Variants in NEDD9 observed in about 807,000 individuals in gnomAD.
NEDD9 encodes neural precursor cell expressed, developmentally down-regulated 9, also known as enhancer of filamentation 1.
A neutral mutation model predicts 76.6 loss-of-function variants in NEDD9; 26 were observed. The ratio of observed to expected loss-of-function variants is 0.34; its 90% confidence interval spans 0.25 to 0.47. NEDD9 has a LOEUF of 0.47. Among genes scored for constraint, NEDD9 ranks in the 20% least tolerant of loss-of-function variants. NEDD9 has a pLI of 1.00. For missense variants in NEDD9, 937 were observed against 1,058.5 expected (o/e 0.89, Z 1.59); for synonymous variants, 392 against 414.2 (o/e 0.95, Z 0.65).
At chr6:11,283,531 C>A (rs1027084359) in intron 3 of NEDD9, among the ~76,000 whole-genome samples, 24 of 152,128 alleles carry the variant, frequency 1.6e-4, no homozygotes, top group African/African-American at 5.8e-4. Flanking sequence ...CCATTAGATT[C>A]CAGAGTTTTC....
intron 1 of NEDD9, among the ~76,000 whole-genome samples, chr6:11,340,851 A>T (rs188248892): frequency 6.6e-6 from 1 of 152,296 alleles, no homozygotes; most frequent in East Asian, 1.9e-4. Flanking sequence ...ATGACTTTTC[A>T]TCTCACTAGA....
intron 3 of NEDD9, among the ~76,000 whole-genome samples, chr6:11,288,204 T>TG (rs1487303193): frequency 2.0e-5 from 3 of 152,198 alleles, no homozygotes; most frequent in African/African-American, 7.2e-5. Flanking sequence ...GCGTGTGGCC[T>TG]GGGGTGTTGC....
At chr6:11,229,588 C>T (rs1046327422) in intron 1 of NEDD9, among the ~76,000 whole-genome samples, 2 of 152,186 alleles carry the variant, frequency 1.3e-5, no homozygotes, top group Non-Finnish European at 2.9e-5. Flanking sequence ...CCGCCAGCCC[C>T]CGCCCAATTA....
At chr6:11,369,598 G>A (rs1015156242) in intron 1 of NEDD9, among the ~76,000 whole-genome samples, 10 of 152,136 alleles carry the variant, frequency 6.6e-5, no homozygotes, top group African/African-American at 2.2e-4. Context: ...TCTAAAGACA[G>A]ACAATGTCTA....
At chr6:11,354,605 A>G (rs1762531677) in intron 1 of NEDD9, among the ~76,000 whole-genome samples, 1 of 152,154 alleles carries the variant, frequency 6.6e-6, no homozygotes, top group African/African-American at 2.4e-5. Context: ...TAAGACTACC[A>G]TGGACATTTG....
chr6:11,330,548 C>G (rs2113497903), intron 2 of NEDD9, among the ~76,000 whole-genome samples: 1 of 152,286 alleles, frequency 6.6e-6, no homozygotes, highest in Middle Eastern at 3.4e-3. Context: ...CATATACACT[C>G]TGCTGAGACT....
intron 1 of NEDD9, among the ~76,000 whole-genome samples, chr6:11,229,719 C>A (rs1030531904): frequency 1.3e-5 from 2 of 152,164 alleles, no homozygotes; most frequent in Non-Finnish European, 2.9e-5. Context: ...AAATTAAGTA[C>A]GTATGACAGT....
At chr6:11,353,316 A>T (rs1762505197) in intron 1 of NEDD9, among the ~76,000 whole-genome samples, 1 of 152,244 alleles carries the variant, frequency 6.6e-6, no homozygotes, top group South Asian at 2.1e-4. Flanking sequence ...AGATGAGGTC[A>T]TGAAGGTGAG....
chr6:11,232,221 G>A (rs1759490258), intron 1 of NEDD9, among the ~76,000 whole-genome samples: 1 of 152,170 alleles, frequency 6.6e-6, no homozygotes, highest in Non-Finnish European at 1.5e-5. Flanking sequence ...GATCTCCAGT[G>A]GCTGCTGTGA....
In NEDD9 at chr6:11,252,240, G is replaced by A. The variant is rs1759928656; in HGVS notation, c.13-38513C>T. Among the ~76,000 whole-genome samples the A allele has an allele frequency of 6.6e-6, 1 of 152,112 alleles. No homozygotes were observed. The highest frequency in any genetic ancestry group is 2.1e-4 in the South Asian group (1 of 4,830). ...TGACTGGTATTCTCATTTTCTACCA[G>A]CCTGAGCATGTCATGAACTTTCTGG... is the stretch of plus-strand genomic sequence containing the variant. On this transcript the variant is annotated intron_variant, in intron 3 of 3. Coordinates refer to the NEDD9 transcript ENST00000397378. This position sits in a 1 kb window ranked among gnomAD's most constrained non-coding sequence, Gnocchi z 4.3.
At chr6:11,356,546 A>G (rs761018130) in intron 1 of NEDD9, among the ~76,000 whole-genome samples, 12 of 152,178 alleles carry the variant, frequency 7.9e-5, no homozygotes, top group Non-Finnish European at 1.6e-4. Context: ...GCTTGTTAAA[A>G]CACAGATGGC....
intron 3 of NEDD9, among the ~76,000 whole-genome samples, chr6:11,275,624 T>C (rs1760399814): frequency 6.6e-6 from 1 of 152,068 alleles, no homozygotes; most frequent in South Asian, 2.1e-4. Context: ...AGCTAGTGAA[T>C]GGTCTAGCAA....
chr6:11,232,625 C>T lies in NEDD9; in HGVS notation c.-110G>A. The T allele has an allele frequency of 1.3e-6, 2 of 1,589,026 alleles. No homozygotes were observed. Among genetic ancestry groups the T allele is most frequent in the East Asian group, 4.5e-5 (2 of 44,592 alleles). The stretch of plus-strand genomic sequence containing the variant: ...GCGCTAGATGAAAGCGAGAAGGTCC[C>T]GGGCAGAGCCGCTTGTCAGTCGCAG... On this transcript the variant is annotated 5_prime_UTR_variant, in exon 1 of 7. Transcript: ENST00000379446.
At position 11,365,695 on chromosome 6, in the gene NEDD9, G is replaced by T. The variant is rs573696413; in HGVS notation, c.-214+16444C>A. ...AACAAATGCCAAGAAAAAGAAGAAA[G>T]AAAATAAAATGGGGCCGGGCGCAGT... On this transcript the variant is annotated intron_variant, in intron 1 of 3. Transcript: ENST00000397378. Among the ~76,000 whole-genome samples the T allele has an allele frequency of 3.9e-5, 6 of 152,238 alleles. 1 individual carries two copies. The South Asian group carries it at 1.2e-3, about 32-fold the overall frequency.
intron 3 of NEDD9, among the ~76,000 whole-genome samples, chr6:11,242,833 T>C (rs1277026728): frequency 6.6e-6 from 1 of 152,224 alleles, no homozygotes; most frequent in African/African-American, 2.4e-5. Flanking sequence ...TTTCAGATTT[T>C]AGAAAGAGAT....
chr6:11,299,256 C>T (rs904967927), intron 3 of NEDD9, among the ~76,000 whole-genome samples: 3 of 152,170 alleles, frequency 2.0e-5, no homozygotes, highest in Admixed American at 6.5e-5. Flanking sequence ...AGTCTGAGAT[C>T]GACCTGCAAC....
chr6:11,324,052 C>T (rs556830056), intron 2 of NEDD9, among the ~76,000 whole-genome samples: 5 of 152,312 alleles, frequency 3.3e-5, no homozygotes, highest in African/African-American at 7.2e-5. Flanking sequence ...ACACATGAAA[C>T]GAACCTCACA....
At chr6:11,340,603 G>A (rs1762253262) in intron 1 of NEDD9, among the ~76,000 whole-genome samples, 1 of 152,156 alleles carries the variant, frequency 6.6e-6, no homozygotes, top group African/African-American at 2.4e-5. Context: ...GACTTCAGAT[G>A]ATGTGATCTT....
chr6:11,317,374 A>T (rs550617114), intron 2 of NEDD9, among the ~76,000 whole-genome samples: 6 of 152,084 alleles, frequency 3.9e-5, no homozygotes, highest in South Asian at 2.1e-4. Flanking sequence ...TGGAGGTAGC[A>T]GTGAGTACTC....
Sources: gnomAD v4.1 joint callset for allele counts (sites outside exome capture counted in the v4.1 genomes callset) on GRCh38, gnomAD v4.1.1 for gene constraint, Gnocchi (gnomAD v3.1) non-coding constraint, MANE v1.5 for transcripts, NCBI Gene and HGNC (gene_info 2026-07-23, HGNC 2026-07-21) for gene names.